The following CDH12 variants were observed in gnomAD, a reference collection of about 807,000 sequenced individuals.
The protein encoded by CDH12 is cadherin-12.
In CDH12, 41 loss-of-function variants were observed where a neutral mutation model predicts 74.1. The ratio of observed to expected loss-of-function variants is 0.55; its 90% CI spans 0.43 to 0.72. CDH12 has a LOEUF of 0.72. Among genes scored for constraint, CDH12 ranks in the 30% least tolerant of loss-of-function variants. The probability of loss-of-function intolerance (pLI) is 0.00; values close to 1 mark genes in which losing one functional copy is unlikely to be tolerated. For synonymous variants in CDH12, 399 were observed against 355.0 expected (o/e 1.12, Z -1.39); for missense variants, 945 against 977.2 (o/e 0.97, Z 0.44).
chr5:22,745,615 C>T (rs374660778), intron 1 of CDH12, among the ~76,000 whole-genome samples: 8 of 152,058 alleles, frequency 5.3e-5, no homozygotes, highest in Non-Finnish European at 7.4e-5. Flanking sequence ...ACATCCTTTG[C>T]GGAGACATGA....
chr5:22,772,469 G>A (rs1210012837), intron 1 of CDH12, among the ~76,000 whole-genome samples: 1 of 151,936 alleles, frequency 6.6e-6, no homozygotes, highest in East Asian at 1.9e-4. Context: ...CCAAATAAGG[G>A]AAGCAATGTG....
In CDH12 at chr5:21,992,517, G is replaced by A. The variant is rs546585920; in HGVS notation, c.232-17132C>T. Among the ~76,000 whole-genome samples, 3 of 151,822 alleles carry A rather than the reference G, an allele frequency of 2.0e-5. No individual in the cohort carries two copies. In the South Asian group the frequency reaches 6.3e-4, roughly 32 times the overall value. On this transcript the variant is annotated intron_variant, in intron 5 of 14. Transcript: ENST00000382254. ...ACTAATTTATTATTATTATTATTAA[G>A]GTTCTCCTAATGATTCTTGGAGTCC...
intron 4 of CDH12, among the ~76,000 whole-genome samples, chr5:22,112,468 C>T (rs1264106601): frequency 1.3e-5 from 2 of 152,118 alleles, no homozygotes; most frequent in African/African-American, 4.8e-5. Flanking sequence ...CAGATGAGTA[C>T]ATGAGCTACT....
rs1404781303 is a variant in CDH12, at chr5:22,671,080, C to A, written c.-522-165716G>T. On this transcript the variant is annotated intron_variant, in intron 1 of 14. Transcript: ENST00000382254. Reference sequence around the variant, plus strand: ...ATAACAGAACTTTAGTTTTTATTCACAAATAATTTCTTTTTTATAACTTTA... The same window carrying A: ...ATAACAGAACTTTAGTTTTTATTCAAAAATAATTTCTTTTTTATAACTTTA... 1.7e-4 allele frequency among the ~76,000 whole-genome samples: 25 copies of A among 151,092 alleles called. No homozygotes were observed. In the Admixed American group the frequency reaches 1.7e-3, roughly 10 times the overall value.
chr5:22,651,498 A>T (rs1479507785), intron 1 of CDH12, among the ~76,000 whole-genome samples: 1 of 151,958 alleles, frequency 6.6e-6, no homozygotes, highest in East Asian at 1.9e-4. Flanking sequence ...ACTACCAAAC[A>T]CCTATAAAAC....
chr5:21,838,071 A>G, intron 8 of CDH12, among the ~76,000 whole-genome samples: 1 of 152,208 alleles, frequency 6.6e-6, no homozygotes, highest in South Asian at 2.1e-4. Flanking sequence ...ATATGACGTT[A>G]AACTGGAAGG....
intron 1 of CDH12, among the ~76,000 whole-genome samples, chr5:22,844,402 T>C (rs1737211487): frequency 6.6e-6 from 1 of 152,078 alleles, no homozygotes; most frequent in Non-Finnish European, 1.5e-5. Flanking sequence ...GCTTTCACTT[T>C]ACTGAAGCAG....
intron 4 of CDH12, among the ~76,000 whole-genome samples, chr5:22,080,650 A>G (rs903699902): frequency 1.3e-5 from 2 of 152,148 alleles, no homozygotes; most frequent in African/African-American, 2.4e-5. Flanking sequence ...CTTTTAAATT[A>G]TATGTTGAAT....
intron 6 of CDH12, among the ~76,000 whole-genome samples, chr5:21,913,446 G>T (rs1016287106): frequency 1.3e-5 from 2 of 152,100 alleles, no homozygotes; most frequent in Non-Finnish European, 2.9e-5. Context: ...AAGAAAAAGA[G>T]AGTTCACATA....
rs530899221 is a variant in CDH12, at chr5:21,898,171, T to C, written c.527-43381A>G. Among the ~76,000 whole-genome samples the C allele has an allele frequency of 2.9e-4, 44 of 152,242 alleles. No individual in the cohort carries two copies. The South Asian group carries it at 4.4e-3, about 15-fold the overall frequency. On this transcript the variant is annotated intron_variant, in intron 6 of 14. Coordinates refer to ENST00000382254, the MANE Select transcript of CDH12 (RefSeq NM_004061.5). ...GAATAAATTATAGGAAAAATCTATA[T>C]GTAGGGCCTTTTAGTATACATTAAA...
At chr5:22,007,983 C>A (rs1378777934) in intron 5 of CDH12, among the ~76,000 whole-genome samples, 5 of 152,100 alleles carry the variant, frequency 3.3e-5, no homozygotes, top group Non-Finnish European at 7.3e-5. Context: ...GAGAGACAGA[C>A]ACACAGGGAC....
chr5:22,318,925 C>A (rs1219538468), intron 3 of CDH12, among the ~76,000 whole-genome samples: 1 of 152,038 alleles, frequency 6.6e-6, no homozygotes, highest in South Asian at 2.1e-4. Flanking sequence ...ATGTATGTGT[C>A]AATGTCTCTG....
chr5:22,540,202 T>C (rs984472323), intron 1 of CDH12, among the ~76,000 whole-genome samples: 1 of 152,100 alleles, frequency 6.6e-6, no homozygotes, highest in African/African-American at 2.4e-5. Context: ...CATATATGTC[T>C]CATCAGTATG....
At chr5:21,963,093 CGATAGATA>C (rs199706779) in intron 6 of CDH12, among the ~76,000 whole-genome samples, 8,945 of 150,916 alleles carry the variant, frequency 0.059, 626 homozygotes, top group African/African-American at 0.17. Flanking sequence ...TTACAAATAT[CGATAGATA>C]GATAGATAGA....
At chr5:22,541,810 T>C (rs2126719967) in intron 1 of CDH12, among the ~76,000 whole-genome samples, 1 of 152,286 alleles carries the variant, frequency 6.6e-6, no homozygotes, top group African/African-American at 2.4e-5. Flanking sequence ...GGACCTAAGA[T>C]TTGGGATGTT....
chr5:22,272,610 C>G (rs1012482804), intron 3 of CDH12, among the ~76,000 whole-genome samples: 2 of 152,136 alleles, frequency 1.3e-5, no homozygotes, highest in African/African-American at 4.8e-5. Flanking sequence ...ATGTGGTAGT[C>G]TTCCTTTCAC....
At chr5:22,135,668 C>T (rs1393537099) in intron 4 of CDH12, among the ~76,000 whole-genome samples, 4 of 151,798 alleles carry the variant, frequency 2.6e-5, no homozygotes, top group African/African-American at 9.7e-5. Flanking sequence ...GGAGGTTTTA[C>T]TAAAAAAAGA....
chr5:22,805,812 C>T (rs925243394), intron 1 of CDH12, among the ~76,000 whole-genome samples: 4 of 152,040 alleles, frequency 2.6e-5, no homozygotes, highest in Admixed American at 6.6e-5. Context: ...TCCCCTAGTC[C>T]CCCACCCCTC....
chr5:22,300,350 T>G lies in CDH12; in HGVS notation c.-332-87707A>C, dbSNP rs1580497863. 2.0e-5 allele frequency among the ~76,000 whole-genome samples: 3 copies of G among 152,168 alleles called. No homozygotes were observed. In the East Asian group the frequency reaches 5.8e-4, roughly 29 times the overall value. On this transcript the variant is annotated intron_variant, in intron 3 of 14. Coordinates refer to ENST00000382254, the MANE Select transcript of CDH12 (RefSeq NM_004061.5). ...CTGTGTAAAACTTCTAACTGGTTCT[T>G]CTTGATATATTTTTAAAAAGACTGT...
Sources: gnomAD v4.1 joint callset for allele counts (sites outside exome capture counted in the v4.1 genomes callset) on GRCh38, gnomAD v4.1.1 for gene constraint, MANE v1.5 for transcripts, NCBI Gene and HGNC (gene_info 2026-07-23, HGNC 2026-07-21) for gene names.